The following GALNT17 variants were observed in gnomAD, a reference collection of about 807,000 sequenced individuals.
GALNT17 encodes the protein polypeptide N-acetylgalactosaminyltransferase 17.
In GALNT17, 29 loss-of-function variants were observed where a neutral mutation model predicts 63.7. The ratio of observed to expected loss-of-function variants is 0.46; its 90% CI spans 0.34 to 0.62. The LOEUF (loss-of-function observed/expected upper bound fraction) is 0.62. Among genes scored for constraint, GALNT17 ranks in the 20% least tolerant of loss-of-function variants. The probability of loss-of-function intolerance (pLI) is 0.01; values close to 1 mark genes in which losing one functional copy is unlikely to be tolerated. For synonymous variants in GALNT17, 305 were observed against 318.3 expected, an observed-to-expected ratio of 0.96 and a Z score of 0.45; for missense variants, 603 against 799.6, an observed-to-expected ratio of 0.75 and a Z score of 2.97.
chr7:71,538,005 G>A lies in GALNT17; in HGVS notation c.963-33280G>A, dbSNP rs76018125. 6.7e-3 allele frequency among the ~76,000 whole-genome samples: 1,013 copies of A among 152,108 alleles called. 16 individuals carry two copies. Among genetic ancestry groups the A allele is most frequent in the African/African-American group, 0.024 (979 of 41,478 alleles). On this transcript the variant is annotated intron_variant, in intron 5 of 10. Coordinates refer to ENST00000333538, the MANE Select transcript of GALNT17 (RefSeq NM_022479.3). ...CATGGAGGAAGGACAGCCTGCCTAC[G>A]CCTTGATTTTGGACTTTCAGCCTAC... is the stretch of plus-strand genomic sequence containing the variant.
chr7:71,326,469 A>C (rs1245071755), intron 1 of GALNT17, among the ~76,000 whole-genome samples: 1 of 152,104 alleles, frequency 6.6e-6, no homozygotes, highest in Admixed American at 6.6e-5. Context: ...CGAAAGAAAG[A>C]AAGCAAGAAA....
At chr7:71,546,161 C>CTTTTTTTTTTTTTTTTT (rs34711093) in intron 5 of GALNT17, among the ~76,000 whole-genome samples, 1 of 136,604 alleles carries the variant, frequency 7.3e-6, no homozygotes, top group Non-Finnish European at 1.6e-5. Flanking sequence ...TTGAGGGACA[C>CTTTTTTTTTTTTTTTTT]TTTTTTTTTT....
At chr7:71,603,479 C>T (rs1225814412) in intron 6 of GALNT17, among the ~76,000 whole-genome samples, 1 of 152,062 alleles carries the variant, frequency 6.6e-6, no homozygotes, top group African/African-American at 2.4e-5. Flanking sequence ...TAAGTGCGTA[C>T]ACTGGATGCC....
intron 1 of GALNT17, among the ~76,000 whole-genome samples, chr7:71,164,353 A>G (rs1788398289): frequency 6.6e-6 from 1 of 152,232 alleles, no homozygotes; most frequent in Non-Finnish European, 1.5e-5. Context: ...GAAGCAGGGA[A>G]GTGCCTGACA....
intron 1 of GALNT17, among the ~76,000 whole-genome samples, chr7:71,139,948 C>T (rs192590361): frequency 1.2e-4 from 18 of 152,224 alleles, no homozygotes; most frequent in Admixed American, 2.6e-4. Context: ...GAGCAGAGAT[C>T]GCGCCCCTGC....
At chr7:71,371,617 G>A (rs899929490) in intron 2 of GALNT17, among the ~76,000 whole-genome samples, 2 of 151,836 alleles carry the variant, frequency 1.3e-5, no homozygotes, top group Admixed American at 6.6e-5. Context: ...AGAGGTTTTC[G>A]GCTATTATTA....
chr7:71,226,847 G>A (rs532368328), intron 1 of GALNT17, among the ~76,000 whole-genome samples: 1 of 152,068 alleles, frequency 6.6e-6, no homozygotes, highest in East Asian at 1.9e-4. Flanking sequence ...TTGCCAAAAG[G>A]CTCCGTGGTC....
intron 5 of GALNT17, among the ~76,000 whole-genome samples, chr7:71,444,859 T>C (rs925887229): frequency 3.3e-5 from 5 of 152,084 alleles, no homozygotes; most frequent in African/African-American, 1.2e-4. Flanking sequence ...AAATGTTACC[T>C]GAAAAAAACT....
chr7:71,481,266 G>T (rs1457510643), intron 5 of GALNT17, among the ~76,000 whole-genome samples: 1 of 152,104 alleles, frequency 6.6e-6, no homozygotes, highest in African/African-American at 2.4e-5. Context: ...GGCCAACATG[G>T]TGAAACCTCA....
At chr7:71,265,118 A>ATATATATTTTTT (rs1390488895) in intron 1 of GALNT17, among the ~76,000 whole-genome samples, 20 of 37,422 alleles carry the variant, frequency 5.3e-4, no homozygotes, top group South Asian at 2.5e-3. Context: ...ATATATATAT[A>ATATATATTTTTT]TTTTTTTTTT....
chr7:71,701,329 G>A (rs181841887), intron 9 of GALNT17, among the ~76,000 whole-genome samples: 1,863 of 151,930 alleles, frequency 0.012, 22 homozygotes, highest in Non-Finnish European at 0.019. Context: ...TCTACTAAAA[G>A]TATAAAAATT....
intron 6 of GALNT17, among the ~76,000 whole-genome samples, chr7:71,622,990 T>C (rs1320141249): frequency 6.6e-6 from 1 of 152,210 alleles, no homozygotes; most frequent in East Asian, 1.9e-4. Context: ...CTCTTCAAGT[T>C]GTCAAGTTGT....
chr7:71,289,934 A>T (rs1185246296), intron 1 of GALNT17, among the ~76,000 whole-genome samples: 1 of 151,592 alleles, frequency 6.6e-6, no homozygotes, highest in Non-Finnish European at 1.5e-5. Flanking sequence ...AGTCCCAGCT[A>T]TTCGGGAGGC....
At chr7:71,631,003 C>A (rs1170707611) in intron 6 of GALNT17, among the ~76,000 whole-genome samples, 5 of 152,122 alleles carry the variant, frequency 3.3e-5, no homozygotes, top group Non-Finnish European at 5.9e-5. Context: ...CCTATTCTGG[C>A]CCTGGGAATG....
intron 5 of GALNT17, among the ~76,000 whole-genome samples, chr7:71,507,436 A>G (rs956912908): frequency 5.3e-5 from 8 of 152,230 alleles, no homozygotes; most frequent in African/African-American, 1.9e-4. Flanking sequence ...TATCTATACA[A>G]TCTAGGTGAT....
chr7:71,592,534 A>AGC (rs1789820046), intron 6 of GALNT17, among the ~76,000 whole-genome samples: 5 of 28,364 alleles, frequency 1.8e-4, no homozygotes, highest in South Asian at 1.3e-3. Context: ...AATAAAATAA[A>AGC]ATAAAATAAA....
intron 1 of GALNT17, among the ~76,000 whole-genome samples, chr7:71,325,922 A>T (rs748284306): frequency 2.0e-5 from 3 of 152,200 alleles, no homozygotes; most frequent in Non-Finnish European, 4.4e-5. Context: ...GAGAAAACAT[A>T]TATTTTACAG....
chr7:71,283,628 A>G (rs559453313), intron 1 of GALNT17, among the ~76,000 whole-genome samples: 1 of 152,206 alleles, frequency 6.6e-6, no homozygotes, highest in East Asian at 1.9e-4. Context: ...TGTAGTTTCT[A>G]TATTCTCCAC....
Position 71,710,917 on chromosome 7 carries a change from A to C in GALNT17, c.1657A>C (p.Asn553His). Reference protein sequence around the residue: ...KVKSSLYKRWNFIQNGAIMNK... With the variant: ...KVKSSLYKRWHFIQNGAIMNK... ...CAAGAGCAGCCTGTACAAGCGCTGG[A>C]ACTTCATCCAGGTGAGTGCTGTATG... Residue 553 changes from asparagine (N) to histidine (H), a missense_variant, in exon 10 of 11, where the codon AAC becomes CAC. By Grantham distance (68) the Asn-to-His change is moderately conservative (BLOSUM62 1). Coordinates refer to ENST00000333538, the MANE Select transcript of GALNT17 (RefSeq NM_022479.3). 6.2e-7 allele frequency: 1 copy of C among 1,613,754 alleles called. No individual in the cohort carries two copies. The highest frequency in any genetic ancestry group is 1.1e-5 in the South Asian group (1 of 91,070).
Sources: gnomAD v4.1 joint callset for allele counts (sites outside exome capture counted in the v4.1 genomes callset) on GRCh38, gnomAD v4.1.1 for gene constraint, MANE v1.5 for transcripts, NCBI Gene and HGNC (gene_info 2026-07-23, HGNC 2026-07-21) for gene names.